PLAC9: variants seen among roughly 807,000 people sequenced by gnomAD.
The protein encoded by PLAC9 is placenta associated 9.
PLAC9 carries 12 observed loss-of-function variants against 11.5 expected under a neutral mutation model. The ratio of observed to expected loss-of-function variants is 1.05; its 90% confidence interval spans 0.67 to 1.69. PLAC9 has a LOEUF of 1.69. Among genes scored for constraint, PLAC9 ranks in the 40% most tolerant of loss-of-function variants. The pLI, the probability that PLAC9 is intolerant of heterozygous loss-of-function variation, is 0.00. For missense variants in PLAC9, 132 were observed against 130.5 expected (o/e 1.01, Z -0.06); for synonymous variants, 62 against 58.1 (o/e 1.07, Z -0.31).
In PLAC9 at chr10:80,132,828, T is replaced by C. The variant is rs1336678862; in HGVS notation, c.64+2T>C. On this transcript the variant is annotated splice_donor_variant, in intron 1 of 3. Transcript: ENST00000372263. LOFTEE classifies it high-confidence loss of function. ...TCCGCGCCGCGGGCTCTTTGGCCGG[T>C]GAGTGGGGCGCAGGGCGCGGCAGGG... 1.3e-6 allele frequency: 2 copies of C among 1,493,134 alleles called. No individual in the cohort carries two copies. The highest frequency in any genetic ancestry group is 4.4e-5 in the Admixed American group (2 of 45,710). The allele number at this position is 1,493,134 out of a possible 1,614,324, so 92.5% of individuals were successfully genotyped here. A position where few individuals can be genotyped will look rare whatever the true frequency, so the allele number is the denominator to read the frequency against.
chr10:80,133,036 G>A (rs1309710705), intron 1 of PLAC9, among the ~76,000 whole-genome samples: 1 of 152,202 alleles, frequency 6.6e-6, no homozygotes, highest in Non-Finnish European at 1.5e-5. Context: ...AGAGATAAAG[G>A]AGATAGGGAA....
intron 2 of PLAC9, among the ~76,000 whole-genome samples, chr10:80,142,592 T>C (rs1205231799): frequency 6.6e-6 from 1 of 152,262 alleles, no homozygotes. Flanking sequence ...TTGTCATCAA[T>C]AGAAATCCAG....
intron 1 of PLAC9, 50 bp downstream of exon 1, chr10:80,132,876 C>G: frequency 7.1e-7 from 1 of 1,414,300 alleles, no homozygotes. Flanking sequence ...GGGAGACCCG[C>G]AGATGGCGAG....
chr10:80,134,685 TTAAA>T (rs1844953085), intron 1 of PLAC9, among the ~76,000 whole-genome samples: 1 of 152,232 alleles, frequency 6.6e-6, no homozygotes, highest in African/African-American at 2.4e-5. Flanking sequence ...TTGAATATCA[TTAAA>T]TATTCAATCA....
chr10:80,135,586 G>T (rs1309296767), intron 1 of PLAC9, among the ~76,000 whole-genome samples: 2 of 151,898 alleles, frequency 1.3e-5, no homozygotes, highest in African/African-American at 4.8e-5. Context: ...TGATCAGCCT[G>T]CCCCGGCCTC....
rs113048746 is a variant in PLAC9, at chr10:80,144,809, G to C, written c.284-91G>C. 3.1e-4 allele frequency: 410 copies of C among 1,328,672 alleles called. No individual in the cohort carries two copies. The African/African-American group carries it at 5.4e-3, about 17-fold the overall frequency. The allele number at this position is 1,328,672 out of a possible 1,614,324, so 82.3% of individuals were successfully genotyped here. A position where few individuals can be genotyped will look rare whatever the true frequency, so the allele number is the denominator to read the frequency against. ...CGCGCGCAGTAGTTCCTGGGGGCCGGGGAGGGAAGGGAAGGAACTGCTGGG... is the reference window on the plus strand; with the variant it reads ...CGCGCGCAGTAGTTCCTGGGGGCCGCGGAGGGAAGGGAAGGAACTGCTGGG... On this transcript the variant is annotated intron_variant, in intron 3 of 3. Coordinates refer to ENST00000372263, the MANE Select transcript of PLAC9 (RefSeq NM_001012973.3).
chr10:80,135,392 C>T (rs1332913870), intron 1 of PLAC9, among the ~76,000 whole-genome samples: 1 of 135,044 alleles, frequency 7.4e-6, no homozygotes, highest in Non-Finnish European at 1.5e-5. Context: ...GTGGTGCGAT[C>T]TCAGCTCATC....
chr10:80,139,386 C>T (rs1452691208), intron 1 of PLAC9, among the ~76,000 whole-genome samples: 4 of 152,162 alleles, frequency 2.6e-5, no homozygotes, highest in Non-Finnish European at 5.9e-5. Context: ...GGATTCCAGG[C>T]CTCCTCTCCT....
intron 1 of PLAC9, among the ~76,000 whole-genome samples, chr10:80,140,781 G>A (rs1845031219): frequency 6.6e-6 from 1 of 152,050 alleles, no homozygotes; most frequent in East Asian, 1.9e-4. Context: ...CGCCTACCTC[G>A]CCCTCCCAAA....
At chr10:80,139,971 C>T (rs972485970) in intron 1 of PLAC9, among the ~76,000 whole-genome samples, 5 of 152,188 alleles carry the variant, frequency 3.3e-5, no homozygotes, top group Non-Finnish European at 4.4e-5. Flanking sequence ...CTCCTCCCTA[C>T]GTGATCTCCA....
chr10:80,145,193 T>TG lies in PLAC9; in HGVS notation c.*288dup. 2 of 570,718 alleles carry TG rather than the reference T, an allele frequency of 3.5e-6. No homozygotes were observed. The highest frequency in any genetic ancestry group is 6.2e-6 in the Non-Finnish European group (2 of 324,910). The allele number at this position is 570,718 out of a possible 1,614,324, so 35.4% of individuals were successfully genotyped here. ...TGGAGCAGGGGTTGATTCACACAGA[T>TG]GGGGGCCCTTTGAGTGGCCTTGCTT... On this transcript the variant is annotated 3_prime_UTR_variant, in exon 4 of 4. Transcript: ENST00000372263.
intron 1 of PLAC9, among the ~76,000 whole-genome samples, chr10:80,135,453 G>A (rs1375418991): frequency 6.7e-6 from 1 of 149,136 alleles, no homozygotes; most frequent in Non-Finnish European, 1.5e-5. Flanking sequence ...AGTCTCCCAA[G>A]TAGCTGGGAT....
intron 2 of PLAC9, 120 bp downstream of exon 2, chr10:80,142,299 G>T: frequency 2.6e-6 from 2 of 772,400 alleles, no homozygotes; most frequent in Non-Finnish European, 4.0e-6. Context: ...CTGCCCTGTG[G>T]CCACCTCGTC....
intron 1 of PLAC9, among the ~76,000 whole-genome samples, chr10:80,138,257 C>T (rs1314265585): frequency 6.6e-6 from 1 of 152,194 alleles, no homozygotes; most frequent in Non-Finnish European, 1.5e-5. Flanking sequence ...GCCTCTCCAC[C>T]ATCCCCACTG....
intron 1 of PLAC9, 52 bp downstream of exon 1, chr10:80,132,878 G>A: frequency 1.4e-6 from 2 of 1,410,580 alleles, no homozygotes; most frequent in African/African-American, 1.5e-5. Flanking sequence ...GAGACCCGCA[G>A]ATGGCGAGGA....
chr10:80,143,738 A>T (rs551668860), intron 2 of PLAC9, among the ~76,000 whole-genome samples: 11 of 152,264 alleles, frequency 7.2e-5, no homozygotes, highest in African/African-American at 1.9e-4. Flanking sequence ...TGCCCTTAGT[A>T]ATTCTATATG....
chr10:80,137,273 C>T (rs753167905), intron 1 of PLAC9, among the ~76,000 whole-genome samples: 1 of 152,214 alleles, frequency 6.6e-6, no homozygotes, highest in Non-Finnish European at 1.5e-5. Context: ...ATCACAGACA[C>T]GTAGAGAACA....
intron 1 of PLAC9, among the ~76,000 whole-genome samples, chr10:80,139,499 C>T (rs1254750610): frequency 6.6e-6 from 1 of 152,186 alleles, no homozygotes; most frequent in African/African-American, 2.4e-5. Flanking sequence ...CTTTGCTGCC[C>T]TGCACCCAGA....
intron 1 of PLAC9, among the ~76,000 whole-genome samples, chr10:80,133,543 C>G (rs1373009306): frequency 1.3e-5 from 2 of 152,242 alleles, no homozygotes; most frequent in Admixed American, 1.3e-4. Flanking sequence ...GTGAAGAAGT[C>G]AGCCTCCCGG....
Sources: allele counts gnomAD v4.1 joint callset (sites outside exome capture counted in the v4.1 genomes callset), GRCh38; gene constraint gnomAD v4.1.1; transcripts MANE v1.5; gene names NCBI Gene and HGNC (gene_info 2026-07-23, HGNC 2026-07-21).